CD99: variants seen among roughly 807,000 people sequenced by gnomAD.
CD99 encodes the protein CD99 molecule (Xg blood group).
CD99 carries 19 observed loss-of-function variants against 28.4 expected under a neutral mutation model. The ratio of observed to expected loss-of-function variants is 0.67; its 90% confidence interval spans 0.47 to 0.98. CD99 has a LOEUF of 0.98. Among genes scored for constraint, CD99 ranks in the 50% least tolerant of loss-of-function variants. The probability of loss-of-function intolerance (pLI) is 0.00; values close to 1 mark genes in which losing one functional copy is unlikely to be tolerated. For missense variants in CD99, 283 were observed against 248.8 expected, an observed-to-expected ratio of 1.14 and a Z score of -0.92; for synonymous variants, 103 against 92.1, an observed-to-expected ratio of 1.12 and a Z score of -0.67.
At chrX:2,699,500 C>G (rs1360877937) in intron 1 of CD99, among the ~76,000 whole-genome samples, 5 of 137,376 alleles carry the variant, frequency 3.6e-5, no homozygotes, top group Admixed American at 7.3e-5. Flanking sequence ...ATTACAGAGT[C>G]TCACTCTGTC....
chrX:2,720,708 T>TC (rs1264088480), intron 5 of CD99, among the ~76,000 whole-genome samples: 1 of 128,034 alleles, frequency 7.8e-6, no homozygotes, highest in Admixed American at 9.6e-5. Context: ...CACTGCAACC[T>TC]CCACCTACTG....
intron 8 of CD99, among the ~76,000 whole-genome samples, chrX:2,726,862 T>C (rs1427227567): frequency 1.3e-5 from 2 of 152,074 alleles, no homozygotes; most frequent in African/African-American, 2.4e-5. Context: ...AGGCCGGACA[T>C]GGTGGCTCAC....
chrX:2,730,310 C>A (rs1018021794), intron 8 of CD99, among the ~76,000 whole-genome samples: 1 of 151,774 alleles, frequency 6.6e-6, no homozygotes, highest in African/African-American at 2.4e-5. Flanking sequence ...GCAGCTGGGA[C>A]TACAGGCGCG....
At chrX:2,726,200 C>G (rs1158983287) in intron 7 of CD99, 60 bp from the exon 8 acceptor site, 9 of 1,035,988 alleles carry the variant, frequency 8.7e-6, no homozygotes, top group Non-Finnish European at 1.4e-5. Context: ...CCACTGCCCC[C>G]TGGGATCTTC....
chrX:2,699,534 A>G (rs1410152104), intron 1 of CD99, among the ~76,000 whole-genome samples: 3 of 149,660 alleles, frequency 2.0e-5, no homozygotes, highest in Non-Finnish European at 3.0e-5. Flanking sequence ...GCAGCGATGC[A>G]ATCTTGGCTC....
At chrX:2,732,907 TTCCTTCCTTCCTTCCCTTCC>T (rs952896587) in intron 8 of CD99, among the ~76,000 whole-genome samples, 5 of 146,734 alleles carry the variant, frequency 3.4e-5, no homozygotes, top group African/African-American at 7.8e-5. Context: ...CTTCCCTTCT[TTCCTTCCTTCCTTCCCTTCC>T]TCCTTCCCTC....
chrX:2,705,518 G>A (rs1327876311), intron 1 of CD99, among the ~76,000 whole-genome samples: 2 of 152,166 alleles, frequency 1.3e-5, no homozygotes, highest in East Asian at 1.9e-4. Context: ...TGCACATGGT[G>A]TCTTGATGTA....
At chrX:2,693,464 C>A (rs2047428856) in intron 1 of CD99, among the ~76,000 whole-genome samples, 1 of 152,116 alleles carries the variant, frequency 6.6e-6, no homozygotes, top group South Asian at 2.1e-4. Flanking sequence ...GCTTCTCACC[C>A]CTTCTTTGCA....
chrX:2,709,295 AACAC>A (rs1053845928), intron 1 of CD99, among the ~76,000 whole-genome samples: 3 of 115,258 alleles, frequency 2.6e-5, no homozygotes, highest in Non-Finnish European at 6.6e-5. Flanking sequence ...CACACATGAA[AACAC>A]ACAAGCACAT....
In CD99 at chrX:2,695,110, A is replaced by C. The variant is rs546763620; in HGVS notation, c.67+3683A>C. Among the ~76,000 whole-genome samples, 6 of 151,730 alleles carry C rather than the reference A, an allele frequency of 4.0e-5. 1 individual carries two copies. Among genetic ancestry groups the C allele is most frequent in the African/African-American group, 1.5e-4 (6 of 41,318 alleles). ...CAGTCCTGCTGAAAATGTTCTGAGC[A>C]CTCTTGTTACTTTAGGGGAAAAGAA... On this transcript the variant is annotated intron_variant, in intron 1 of 9. Transcript: ENST00000381192.
At chrX:2,727,749 T>G (rs763420980) in intron 8 of CD99, among the ~76,000 whole-genome samples, 1 of 152,258 alleles carries the variant, frequency 6.6e-6, no homozygotes, top group South Asian at 2.1e-4. Flanking sequence ...AGTCTTGGGA[T>G]TACAGGCGTG....
chrX:2,692,054 G>T, intron 1 of CD99: 1 of 625,256 alleles, frequency 1.6e-6, no homozygotes, highest in African/African-American at 1.8e-5. Context: ...TTACCAAATT[G>T]TCCATCTGCG....
In CD99 at chrX:2,726,981, C is replaced by CA. The variant is rs896768370; in HGVS notation, c.475+614dup. Among the ~76,000 whole-genome samples, 181 of 152,100 alleles carry CA rather than the reference C, an allele frequency of 1.2e-3. 1 individual carries two copies. The Middle Eastern group carries it at 0.017, about 14-fold the overall frequency. Reference sequence around the variant, plus strand: ...TGAAACCCCGTCTCTACTAAAAATACAAAAAATTAGCCGGGCATGGTGGCG... The same window carrying CA: ...TGAAACCCCGTCTCTACTAAAAATACAAAAAAATTAGCCGGGCATGGTGGCG... On this transcript the variant is annotated intron_variant, in intron 8 of 9. Coordinates refer to ENST00000381192, the MANE Select transcript of CD99 (RefSeq NM_002414.5).
At chrX:2,732,241 G>A (rs1450950553) in intron 8 of CD99, among the ~76,000 whole-genome samples, 2 of 152,008 alleles carry the variant, frequency 1.3e-5, no homozygotes, top group Non-Finnish European at 2.9e-5. Context: ...TGTTGGCTTC[G>A]CGGGGGACCT....
At chrX:2,712,152 C>T (rs1371081418) in intron 1 of CD99, among the ~76,000 whole-genome samples, 6 of 152,080 alleles carry the variant, frequency 3.9e-5, no homozygotes, top group South Asian at 2.1e-4. Context: ...GACCCAAACA[C>T]GCTTACGTGG....
At chrX:2,700,556 C>G (rs184517021) in intron 1 of CD99, among the ~76,000 whole-genome samples, 473 of 151,098 alleles carry the variant, frequency 3.1e-3, no homozygotes, top group Non-Finnish European at 5.8e-3. Flanking sequence ...ATCCATCCAT[C>G]CATTTATCCA....
At position 2,714,425 on chromosome X, in the gene CD99, GTGGTTTCGATTTATCCGA is replaced by G; in HGVS notation, c.74_91del (p.Gly25_Asp30del). The G allele has an allele frequency of 6.3e-7, 1 of 1,597,606 alleles. No homozygotes were observed. The highest frequency in any genetic ancestry group is 8.6e-7 in the Non-Finnish European group (1 of 1,166,696). On this transcript the variant is annotated inframe_deletion, in exon 2 of 10. Coordinates refer to ENST00000381192, the MANE Select transcript of CD99 (RefSeq NM_002414.5). ...TGACTCTTTTTTTCTCTCTTAGATG[GTGGTTTCGATTTATCCGA>G]TGCCCTTCCTGGTGAGTATCAACAT...
intron 1 of CD99, among the ~76,000 whole-genome samples, chrX:2,697,886 C>T (rs1230675778): frequency 6.6e-6 from 1 of 151,866 alleles, no homozygotes; most frequent in Non-Finnish European, 1.5e-5. Flanking sequence ...AGTGCAGACT[C>T]ATAGAATAGC....
rs1187464455 is a variant in CD99 at position 2,691,383 on chromosome X, C to T, written c.23C>T (p.Ala8Val). MARGAAL[A>V]LLLFGLLGVL... ...ACCATGGCCCGCGGGGCTGCGCTGG[C>T]GCTGCTGCTCTTCGGCCTGCTGGGT... The change falls in exon 1 of 10, where the codon GCG (alanine) becomes GTG (valine). Residue 8 changes from alanine (A) to valine (V), a missense_variant. Physicochemically the swap from Ala to Val is moderately conservative, Grantham distance 64 (BLOSUM62 0). Transcript: ENST00000381192. The T allele has an allele frequency of 4.4e-6, 7 of 1,579,290 alleles. No individual in the cohort carries two copies. Among genetic ancestry groups the T allele is most frequent in the South Asian group, 2.3e-5 (2 of 88,296 alleles).
Sources: allele counts gnomAD v4.1 joint callset (sites outside exome capture counted in the v4.1 genomes callset), GRCh38; gene constraint gnomAD v4.1.1; transcripts MANE v1.5; gene names NCBI Gene and HGNC (gene_info 2026-07-23, HGNC 2026-07-21).